The following NELL1 variants were observed in gnomAD, a reference collection of about 807,000 sequenced individuals.
NELL1 encodes neural EGFL like 1.
Under a neutral mutation model 107.4 loss-of-function variants are expected in NELL1, and 76 were observed. The observed-to-expected ratio is 0.71, with a 90% CI of 0.59 to 0.86. NELL1 has a LOEUF of 0.86. Among genes scored for constraint, NELL1 ranks in the 40% least tolerant of loss-of-function variants. The pLI is 0.00. For synonymous variants in NELL1, 353 were observed against 341.2 expected, an observed-to-expected ratio of 1.03 and a Z score of -0.38; for missense variants, 1,024 against 1,005.5, an observed-to-expected ratio of 1.02 and a Z score of -0.25.
chr11:21,089,361 G>A (rs765750775), intron 12 of NELL1, among the ~76,000 whole-genome samples: 4 of 152,088 alleles, frequency 2.6e-5, no homozygotes, highest in Non-Finnish European at 5.9e-5. Context: ...CATTTAAATA[G>A]CATTACATAA....
At chr11:21,152,399 C>T (rs1436235580) in intron 13 of NELL1, among the ~76,000 whole-genome samples, 1 of 152,120 alleles carries the variant, frequency 6.6e-6, no homozygotes, top group South Asian at 2.1e-4. Context: ...AAATGAGGTG[C>T]ATACTAAATG....
intron 15 of NELL1, among the ~76,000 whole-genome samples, chr11:21,380,681 G>A (rs1214783800): frequency 6.6e-6 from 1 of 151,988 alleles, no homozygotes; most frequent in African/African-American, 2.4e-5. Context: ...ATCCTGCAAG[G>A]ATTTTCATCT....
intron 12 of NELL1, among the ~76,000 whole-genome samples, chr11:21,001,742 A>G (rs148658433): frequency 6.6e-6 from 1 of 151,558 alleles, no homozygotes; most frequent in African/African-American, 2.4e-5. Flanking sequence ...GAGCTCCCAC[A>G]TTGGAAGGGG....
At chr11:21,535,575 G>A (rs1591015412) in intron 16 of NELL1, among the ~76,000 whole-genome samples, 1 of 152,114 alleles carries the variant, frequency 6.6e-6, no homozygotes. Context: ...ATTGTTGAGA[G>A]GCATGCAGTA....
intron 12 of NELL1, among the ~76,000 whole-genome samples, chr11:21,064,574 C>A (rs1374878734): frequency 6.6e-6 from 1 of 151,852 alleles, no homozygotes; most frequent in Non-Finnish European, 1.5e-5. Flanking sequence ...ATCCTGTGTG[C>A]AATGGAAAGC....
chr11:21,121,827 A>G (rs1385510166), intron 13 of NELL1, among the ~76,000 whole-genome samples: 1 of 152,206 alleles, frequency 6.6e-6, no homozygotes, highest in Admixed American at 6.5e-5. Context: ...GGATTATAGT[A>G]TAAAAATTCA....
intron 16 of NELL1, among the ~76,000 whole-genome samples, chr11:21,546,379 T>C (rs1856442803): frequency 6.6e-6 from 1 of 152,000 alleles, no homozygotes. Flanking sequence ...GAGCCAAAGA[T>C]CATGTCTAAA....
In NELL1 at chr11:21,086,733, G is replaced by A. The variant is rs189716104; in HGVS notation, c.1301-26856G>A. Among the ~76,000 whole-genome samples, 4 of 150,824 alleles carry A rather than the reference G, an allele frequency of 2.7e-5. No homozygotes were observed. The East Asian group carries it at 5.9e-4, about 22-fold the overall frequency. ...AAGATAAAACTCAGTGTGACTTTCA[G>A]ATAAAGAGCTTCTGATTTGAAAGGC... is the stretch of plus-strand genomic sequence containing the variant. On this transcript the variant is annotated intron_variant, in intron 12 of 19. Coordinates refer to ENST00000357134, the MANE Select transcript of NELL1 (RefSeq NM_006157.5).
At chr11:21,131,921 C>T (rs1855627516) in intron 13 of NELL1, among the ~76,000 whole-genome samples, 1 of 152,138 alleles carries the variant, frequency 6.6e-6, no homozygotes, top group African/African-American at 2.4e-5. Context: ...GATCAAAGAA[C>T]CTTCCTTTGC....
intron 14 of NELL1, among the ~76,000 whole-genome samples, chr11:21,290,940 A>T (rs1849244109): frequency 6.6e-6 from 1 of 152,182 alleles, no homozygotes; most frequent in Admixed American, 6.5e-5. Context: ...CTTCTCCCCC[A>T]AAGCATCACA....
At chr11:21,075,924 A>G (rs967586707) in intron 12 of NELL1, among the ~76,000 whole-genome samples, 1 of 152,194 alleles carries the variant, frequency 6.6e-6, no homozygotes, top group African/African-American at 2.4e-5. Context: ...GAACAGTAGG[A>G]ATAATTGTTG....
chr11:21,367,109 T>C (rs184729899), intron 14 of NELL1, among the ~76,000 whole-genome samples: 3 of 152,238 alleles, frequency 2.0e-5, no homozygotes, highest in African/African-American at 7.2e-5. Context: ...CTCTCAAATA[T>C]GAATTTTGTG....
At chr11:20,939,449 G>C (rs989265518) in intron 10 of NELL1, among the ~76,000 whole-genome samples, 1 of 151,998 alleles carries the variant, frequency 6.6e-6, no homozygotes, top group Non-Finnish European at 1.5e-5. Context: ...ATCCCGGCAA[G>C]CACATTGCTG....
intron 5 of NELL1, among the ~76,000 whole-genome samples, chr11:20,915,717 A>ATATATATATATATATTTTTTTTTT: frequency 1.0e-3 from 61 of 58,196 alleles, no homozygotes; most frequent in African/African-American, 4.5e-3. Context: ...ATATATATAT[A>ATATATATATATATATTTTTTTTTT]TTTTTTTTTT....
intron 2 of NELL1, among the ~76,000 whole-genome samples, chr11:20,783,073 CTTGTAT>C (rs1173367896): frequency 6.6e-6 from 1 of 152,062 alleles, no homozygotes; most frequent in East Asian, 1.9e-4. Context: ...ATGAGCATGC[CTTGTAT>C]TTATTCGTTA....
Position 21,051,055 on chromosome 11 carries a change from A to G in NELL1, c.1301-62534A>G, listed in dbSNP as rs187800453. ...GGTGGTTGTCTACTCAGAGGAAAGA[A>G]AGTACTTATACAAAAAAGATACTTG... On this transcript the variant is annotated intron_variant, in intron 12 of 19. Coordinates refer to ENST00000357134, the MANE Select transcript of NELL1 (RefSeq NM_006157.5). Among the ~76,000 whole-genome samples, 339 of 152,250 alleles carry G rather than the reference A, an allele frequency of 2.2e-3. 3 individuals are homozygous for G. Among genetic ancestry groups the G allele is most frequent in the Non-Finnish European group, 4.0e-3 (274 of 68,016 alleles).
chr11:21,297,470 A>G (rs756517946), intron 14 of NELL1, among the ~76,000 whole-genome samples: 2 of 152,078 alleles, frequency 1.3e-5, no homozygotes, highest in Non-Finnish European at 2.9e-5. Context: ...CCAAGGTAAG[A>G]AAAGCCTCTG....
intron 18 of NELL1, 145 bp downstream of exon 18, chr11:21,571,085 C>T (rs992060416): frequency 1.1e-5 from 7 of 622,740 alleles, no homozygotes; most frequent in Non-Finnish European, 1.9e-5. Flanking sequence ...ATGTTCTCTT[C>T]CTAAAGATAT....
At chr11:21,489,195 C>T (rs913384211) in intron 15 of NELL1, among the ~76,000 whole-genome samples, 3 of 151,334 alleles carry the variant, frequency 2.0e-5, no homozygotes, top group East Asian at 1.9e-4. Flanking sequence ...TGGATAAATT[C>T]CTGGAAACAT....
Sources: gnomAD v4.1 joint callset for allele counts (sites outside exome capture counted in the v4.1 genomes callset) on GRCh38, gnomAD v4.1.1 for gene constraint, MANE v1.5 for transcripts, NCBI Gene and HGNC (gene_info 2026-07-23, HGNC 2026-07-21) for gene names.